NHSL2: variants seen among roughly 807,000 people sequenced by gnomAD.
The protein encoded by NHSL2 is NHS like 2, also known as NHS-like protein 2.
A neutral mutation model predicts 53.4 loss-of-function variants in NHSL2; 27 were observed. The ratio of observed to expected loss-of-function variants is 0.51; its 90% CI spans 0.37 to 0.70. The LOEUF (loss-of-function observed/expected upper bound fraction) is 0.70, where lower values mean the gene tolerates loss of function less well. NHSL2 is among the 30% of genes least tolerant of loss of function. NHSL2 has a pLI of 0.00. For missense variants in NHSL2, 892 were observed against 980.1 expected (o/e 0.91, Z 1.20); for synonymous variants, 408 against 404.1 (o/e 1.01, Z -0.12).
intron 1 of NHSL2, among the ~76,000 whole-genome samples, chrX:71,941,690 T>A (rs1190521518): frequency 8.9e-6 from 1 of 112,496 alleles, no homozygotes; most frequent in African/African-American, 3.2e-5. Context: ...ATTGCTATTA[T>A]GATTATTTTA....
intron 1 of NHSL2, among the ~76,000 whole-genome samples, chrX:72,010,436 GA>G (rs1569471748): frequency 9.0e-6 from 1 of 111,576 alleles, no homozygotes; most frequent in Non-Finnish European, 1.9e-5. Context: ...TTCTTGTTGT[GA>G]AAAAAAATCA....
chrX:72,023,527 A>G (rs1409057306), intron 1 of NHSL2, among the ~76,000 whole-genome samples: 2 of 112,488 alleles, frequency 1.8e-5, no homozygotes, highest in Non-Finnish European at 1.9e-5. Flanking sequence ...TGTAATGGGA[A>G]TAGCACTAAA....
Position 72,085,780 on chromosome X carries a change from C to G in NHSL2, c.281-46299C>G, listed in dbSNP as rs184260078. On this transcript the variant is annotated intron_variant, in intron 1 of 7. Transcript: ENST00000633930. ...CCACATAGAGGCAACTAAAAATCCT[C>G]TTTGAGGAGTTGGGTCCCAGGCAGT... is the stretch of plus-strand genomic sequence containing the variant. Among the ~76,000 whole-genome samples the G allele has an allele frequency of 2.9e-5, 3 of 104,247 alleles. No individual in the cohort carries two copies. The East Asian group carries it at 8.9e-4, about 31-fold the overall frequency. The allele number at this position is 104,247 out of a possible 115,157, so 90.5% of individuals were successfully genotyped here.
chrX:71,956,002 G>T (rs2041841559), intron 1 of NHSL2, among the ~76,000 whole-genome samples: 1 of 110,723 alleles, frequency 9.0e-6, no homozygotes, highest in African/African-American at 3.3e-5. Context: ...GAAGCTCCTG[G>T]GAGGCCCCAT....
intron 1 of NHSL2, among the ~76,000 whole-genome samples, chrX:71,914,015 T>C (rs191489731): frequency 1.2e-4 from 13 of 112,825 alleles, no homozygotes; most frequent in African/African-American, 3.9e-4. Flanking sequence ...GGCTGTTCTT[T>C]GGTAACATGA....
At chrX:72,067,150 C>G (rs1465470661) in intron 1 of NHSL2, among the ~76,000 whole-genome samples, 1 of 110,765 alleles carries the variant, frequency 9.0e-6, no homozygotes, top group Non-Finnish European at 1.9e-5. Flanking sequence ...CTCAAAAAAA[C>G]AGACAAACAA....
At chrX:71,956,922 G>A (rs929698182) in intron 1 of NHSL2, among the ~76,000 whole-genome samples, 8 of 111,407 alleles carry the variant, frequency 7.2e-5, no homozygotes, top group African/African-American at 2.0e-4. Context: ...GGGGACCATA[G>A]TTCACCTCCT....
At chrX:72,036,682 C>T (rs1437164341) in intron 1 of NHSL2, among the ~76,000 whole-genome samples, 1 of 111,422 alleles carries the variant, frequency 9.0e-6, no homozygotes, top group East Asian at 2.8e-4. Context: ...TCTTTTCAGC[C>T]TTTTTTTCTC....
chrX:72,077,266 A>G (rs1293029326), intron 1 of NHSL2, among the ~76,000 whole-genome samples: 2 of 110,438 alleles, frequency 1.8e-5, no homozygotes, highest in Non-Finnish European at 3.8e-5. Flanking sequence ...CCACTGTTGA[A>G]CACTGCCACT....
intron 1 of NHSL2, among the ~76,000 whole-genome samples, chrX:72,103,988 T>C (rs2042017728): frequency 8.9e-6 from 1 of 112,927 alleles, no homozygotes; most frequent in African/African-American, 3.2e-5. Context: ...GGACTCCCCA[T>C]AGCACAGAAG....
At chrX:71,942,972 CTGTGTG>C (rs58935869) in intron 1 of NHSL2, among the ~76,000 whole-genome samples, 2,286 of 73,647 alleles carry the variant, frequency 0.031, 27 homozygotes, top group East Asian at 0.038. Context: ...CTCTCTCTCT[CTGTGTG>C]TGTGTGTGTG....
At chrX:72,006,917 G>A (rs1285080767) in intron 1 of NHSL2, among the ~76,000 whole-genome samples, 1 of 112,555 alleles carries the variant, frequency 8.9e-6, no homozygotes, top group Non-Finnish European at 1.9e-5. Flanking sequence ...ACCATGACTC[G>A]TTTTGCTCTG....
chrX:71,983,429 A>AC (rs2041988779), intron 1 of NHSL2, among the ~76,000 whole-genome samples: 1 of 86,708 alleles, frequency 1.2e-5, no homozygotes, highest in Admixed American at 1.4e-4. Context: ...ACATAGTGAG[A>AC]CCCCACCTCT....
intron 1 of NHSL2, among the ~76,000 whole-genome samples, chrX:72,069,455 C>T (rs1370291941): frequency 9.0e-6 from 1 of 111,068 alleles, no homozygotes; most frequent in Non-Finnish European, 1.9e-5. Flanking sequence ...CTGAGAGAAG[C>T]TCCTAGCAGG....
chrX:72,065,334 G>A (rs904451183), intron 1 of NHSL2, among the ~76,000 whole-genome samples: 5 of 112,409 alleles, frequency 4.4e-5, no homozygotes, highest in African/African-American at 1.6e-4. Flanking sequence ...ATCCCGCAAA[G>A]AATTCATAAG....
intron 1 of NHSL2, chrX:72,131,533 T>A: frequency 6.8e-6 from 8 of 1,182,223 alleles, no homozygotes; most frequent in Non-Finnish European, 9.1e-6. Flanking sequence ...TCCTGACGCC[T>A]CAGACATCTC....
intron 1 of NHSL2, among the ~76,000 whole-genome samples, chrX:72,008,102 T>G (rs904025169): frequency 3.5e-5 from 4 of 112,950 alleles, no homozygotes; most frequent in Admixed American, 1.9e-4. Flanking sequence ...GGGCCAAGTT[T>G]TCCATTTTTT....
At chrX:71,938,009 C>T (rs987880923) in intron 1 of NHSL2, among the ~76,000 whole-genome samples, 2 of 111,993 alleles carry the variant, frequency 1.8e-5, no homozygotes, top group East Asian at 2.8e-4. Context: ...ACTTCTGTGC[C>T]GTTGGCCAGA....
At chrX:72,124,269 G>A (rs989059233) in intron 1 of NHSL2, among the ~76,000 whole-genome samples, 3 of 110,830 alleles carry the variant, frequency 2.7e-5, no homozygotes, top group South Asian at 8.0e-4. Context: ...CTGGTTTCTC[G>A]GGGGCAGAAT....
Sources: allele counts gnomAD v4.1 joint callset (sites outside exome capture counted in the v4.1 genomes callset), GRCh38; gene constraint gnomAD v4.1.1; transcripts MANE v1.5; gene names NCBI Gene and HGNC (gene_info 2026-07-23, HGNC 2026-07-21).